MALRD1: variants seen among roughly 807,000 people sequenced by gnomAD.
MALRD1 encodes MAM and LDL receptor class A domain containing 1, also known as MAM and LDL-receptor class A domain-containing protein 1.
Under a neutral mutation model 242.1 loss-of-function variants are expected in MALRD1, and 247 were observed. The ratio of observed to expected loss-of-function variants is 1.02; its 90% CI spans 0.92 to 1.13. The LOEUF (loss-of-function observed/expected upper bound fraction) is 1.13, where lower values mean the gene tolerates loss of function less well. MALRD1 is among the 50% of genes most tolerant of loss of function. MALRD1 has a pLI of 0.00. For missense variants in MALRD1, 2,989 were observed against 2,533.1 expected (o/e 1.18, Z -3.86); for synonymous variants, 995 against 866.6 (o/e 1.15, Z -2.60).
chr10:19,700,918 G>T (rs1029634123), intron 38 of MALRD1, among the ~76,000 whole-genome samples: 1 of 152,092 alleles, frequency 6.6e-6, no homozygotes, highest in African/African-American at 2.4e-5. Context: ...CAACACTTTG[G>T]GAGGCCAAGG....
chr10:19,635,412 A>G (rs1166167208), intron 36 of MALRD1, among the ~76,000 whole-genome samples: 2 of 152,176 alleles, frequency 1.3e-5, no homozygotes, highest in African/African-American at 2.4e-5. Flanking sequence ...AGAGTTAAAA[A>G]GTTCAAAAGC....
chr10:19,315,578 T>TATAAATATAATTTA (rs1484830362), intron 21 of MALRD1, among the ~76,000 whole-genome samples: 15,726 of 56,430 alleles, frequency 0.28, 2,593 homozygotes, highest in Middle Eastern at 0.37. Context: ...AATATATAAA[T>TATAAATATAATTTA]TATAAATTAT....
chr10:19,373,181 G>T (rs1313992225), intron 26 of MALRD1, among the ~76,000 whole-genome samples: 2 of 135,754 alleles, frequency 1.5e-5, no homozygotes, highest in African/African-American at 5.7e-5. Flanking sequence ...TTTCCTCCTT[G>T]CATTTCAGCA....
chr10:19,143,837 TCA>T lies in MALRD1; in HGVS notation c.1412-2358_1412-2357del, dbSNP rs1300820991. On this transcript the variant is annotated intron_variant, in intron 10 of 39. Coordinates refer to ENST00000454679, the MANE Select transcript of MALRD1 (RefSeq NM_001142308.3). ...GAGGTGGCATAGAAGGTGGCAGAGC[TCA>T]CAGAGAACCGAGGGATTAGACCAGA... Among the ~76,000 whole-genome samples, 4 of 152,242 alleles carry T rather than the reference TCA, an allele frequency of 2.6e-5. No individual in the cohort carries two copies. The East Asian group carries it at 7.7e-4, about 29-fold the overall frequency.
At chr10:19,270,338 A>T (rs4276996) in intron 19 of MALRD1, among the ~76,000 whole-genome samples, 395 of 17,568 alleles carry the variant, frequency 0.022, no homozygotes, top group South Asian at 0.023. Flanking sequence ...TCTCTCTCTC[A>T]CACACACACA....
intron 36 of MALRD1, among the ~76,000 whole-genome samples, chr10:19,626,549 C>T (rs1472251734): frequency 6.6e-6 from 1 of 151,824 alleles, no homozygotes; most frequent in South Asian, 2.1e-4. Flanking sequence ...AGATGAATTT[C>T]CTTTTCACCA....
intron 36 of MALRD1, among the ~76,000 whole-genome samples, chr10:19,651,598 A>G (rs777682778): frequency 2.0e-5 from 3 of 152,326 alleles, no homozygotes; most frequent in East Asian, 1.9e-4. Flanking sequence ...ATTATGTACA[A>G]GGACCTGGGA....
At chr10:19,535,009 C>T (rs1018345205) in intron 32 of MALRD1, among the ~76,000 whole-genome samples, 8 of 152,036 alleles carry the variant, frequency 5.3e-5, no homozygotes, top group South Asian at 2.1e-4. Context: ...CCTCAGCTTC[C>T]GGAGTAGCTG....
chr10:19,656,033 A>T (rs1841139640), intron 36 of MALRD1, among the ~76,000 whole-genome samples: 1 of 152,172 alleles, frequency 6.6e-6, no homozygotes, highest in Non-Finnish European at 1.5e-5. Context: ...CCCATCTCAG[A>T]GTTTAAGTGT....
intron 2 of MALRD1, among the ~76,000 whole-genome samples, chr10:19,068,312 G>A (rs1012722495): frequency 2.7e-5 from 4 of 150,700 alleles, no homozygotes; most frequent in South Asian, 2.1e-4. Flanking sequence ...ATTTTCCCTC[G>A]TTTTTTTTAT....
intron 35 of MALRD1, among the ~76,000 whole-genome samples, chr10:19,613,336 C>T (rs1838989181): frequency 6.6e-6 from 1 of 151,970 alleles, no homozygotes; most frequent in Non-Finnish European, 1.5e-5. Context: ...TTCGATGCCC[C>T]TTATGCACTT....
chr10:19,280,985 C>A (rs529808064), intron 20 of MALRD1, among the ~76,000 whole-genome samples: 1 of 152,280 alleles, frequency 6.6e-6, no homozygotes, highest in Middle Eastern at 3.4e-3. Flanking sequence ...TTAGAACAGA[C>A]AGATAACACA....
At chr10:19,732,540 G>A (rs1297770399) in intron 39 of MALRD1, among the ~76,000 whole-genome samples, 1 of 152,194 alleles carries the variant, frequency 6.6e-6, no homozygotes. Context: ...TGGCATTACA[G>A]GCGTGAGCCA....
intron 31 of MALRD1, among the ~76,000 whole-genome samples, chr10:19,514,993 A>T (rs951433095): frequency 5.3e-5 from 8 of 152,022 alleles, no homozygotes; most frequent in Non-Finnish European, 1.0e-4. Context: ...TGTCCATTCC[A>T]TCTACAATAC....
At chr10:19,128,445 T>A (rs1254227723) in intron 8 of MALRD1, 58 bp downstream of exon 8, 3 of 1,155,726 alleles carry the variant, frequency 2.6e-6, no homozygotes, top group Non-Finnish European at 3.3e-6. Context: ...TTCTAACTCT[T>A]GGCAACTTGT....
intron 36 of MALRD1, among the ~76,000 whole-genome samples, chr10:19,628,483 T>C (rs192431272): frequency 2.1e-3 from 317 of 152,234 alleles, no homozygotes; most frequent in African/African-American, 7.2e-3. Context: ...AAAGTATCCA[T>C]ATTGTTAGGT....
chr10:19,293,163 G>A (rs1841530243), intron 21 of MALRD1, among the ~76,000 whole-genome samples: 1 of 152,088 alleles, frequency 6.6e-6, no homozygotes. Flanking sequence ...ATTTCTAACA[G>A]ATCAAGACTT....
intron 31 of MALRD1, among the ~76,000 whole-genome samples, chr10:19,506,633 C>T (rs1380323869): frequency 6.6e-6 from 1 of 151,500 alleles, no homozygotes; most frequent in Non-Finnish European, 1.5e-5. Context: ...TTCAAATGTG[C>T]ATATATAAGT....
At chr10:19,611,180 T>C (rs1249143727) in intron 35 of MALRD1, among the ~76,000 whole-genome samples, 1 of 151,970 alleles carries the variant, frequency 6.6e-6, no homozygotes, top group African/African-American at 2.4e-5. Flanking sequence ...ATCATACATA[T>C]TTCTACATGA....
Sources: gnomAD v4.1 joint callset for allele counts (sites outside exome capture counted in the v4.1 genomes callset) on GRCh38, gnomAD v4.1.1 for gene constraint, MANE v1.5 for transcripts, NCBI Gene and HGNC (gene_info 2026-07-23, HGNC 2026-07-21) for gene names.